The following SGIP1 variants were observed in gnomAD, a reference collection of about 807,000 sequenced individuals.
The protein encoded by SGIP1 is SH3-containing GRB2-like protein 3-interacting protein 1.
SGIP1 carries 38 observed loss-of-function variants against 107.5 expected under a neutral mutation model. The observed-to-expected ratio is 0.35, with a 90% confidence interval of 0.27 to 0.46. The LOEUF is 0.46. SGIP1 is among the 20% of genes least tolerant of loss of function. The pLI is 1.00. For synonymous variants in SGIP1, 365 were observed against 366.1 expected, an observed-to-expected ratio of 1.00 and a Z score of 0.03; for missense variants, 929 against 1,019.5, an observed-to-expected ratio of 0.91 and a Z score of 1.21.
At chr1:66,640,398 A>G (rs2076554130) in intron 5 of SGIP1, among the ~76,000 whole-genome samples, 1 of 152,172 alleles carries the variant, frequency 6.6e-6, no homozygotes, top group Non-Finnish European at 1.5e-5. Context: ...AGCTTTCAGA[A>G]TAGAGGCAAG....
intron 7 of SGIP1, among the ~76,000 whole-genome samples, chr1:66,646,452 T>C (rs2077685695): frequency 6.6e-6 from 1 of 152,188 alleles, no homozygotes; most frequent in African/African-American, 2.4e-5. Context: ...ATAACAATGG[T>C]TTACGTTGGA....
intron 21 of SGIP1, among the ~76,000 whole-genome samples, chr1:66,736,293 A>C (rs1416332306): frequency 2.0e-5 from 3 of 146,776 alleles, no homozygotes; most frequent in Admixed American, 6.9e-5. Flanking sequence ...TTAAAATATT[A>C]TATAAAATAT....
At chr1:66,628,784 G>A (rs1558125689) in intron 2 of SGIP1, among the ~76,000 whole-genome samples, 2 of 152,180 alleles carry the variant, frequency 1.3e-5, no homozygotes, top group Non-Finnish European at 2.9e-5. Context: ...TACGGGTAGA[G>A]GCCCAATATC....
chr1:66,739,706 A>G (rs1241234447), intron 22 of SGIP1, among the ~76,000 whole-genome samples, 169 bp downstream of exon 22: 1 of 152,234 alleles, frequency 6.6e-6, no homozygotes, highest in Non-Finnish European at 1.5e-5. Flanking sequence ...AACTAATTCA[A>G]CAGGGACTTC....
chr1:66,645,841 T>TTTG (rs367871171), intron 7 of SGIP1, among the ~76,000 whole-genome samples: 3 of 152,140 alleles, frequency 2.0e-5, no homozygotes, highest in East Asian at 1.9e-4. Context: ...TATAGATAGT[T>TTTG]TTGTTGTTGT....
intron 1 of SGIP1, among the ~76,000 whole-genome samples, chr1:66,556,254 C>A (rs989707934): frequency 1.1e-4 from 16 of 151,996 alleles, no homozygotes; most frequent in Admixed American, 7.2e-4. Context: ...GTGTTTTGGC[C>A]CTCAGTGATG....
chr1:66,709,655 G>A (rs2092777448), intron 18 of SGIP1, among the ~76,000 whole-genome samples: 1 of 152,084 alleles, frequency 6.6e-6, no homozygotes, highest in African/African-American at 2.4e-5. Flanking sequence ...CACTCAGCAG[G>A]TCAATTGGTG....
rs945587925 is a variant in SGIP1, at chr1:66,743,988, G to A, written c.*893G>A. The A allele has an allele frequency of 6.6e-6, 1 of 152,154 alleles. No homozygotes were observed. Among genetic ancestry groups the A allele is most frequent in the African/African-American group, 2.4e-5 (1 of 41,438 alleles). 9.4% of individuals were successfully genotyped at this position (152,154 alleles called of 1,614,324 possible). ...TGATTTTAAGATTTCAAGACTTTCCGTAGTTGAACTGGTTAAGAATTTTTG... is the reference window on the plus strand; with the variant it reads ...TGATTTTAAGATTTCAAGACTTTCCATAGTTGAACTGGTTAAGAATTTTTG... On this transcript the variant is annotated 3_prime_UTR_variant, in exon 25 of 25. Transcript: ENST00000371037.
Position 66,675,920 on chromosome 1 carries a change from C to T in SGIP1, c.647-1084C>T, listed in dbSNP as rs148220337. On this transcript the variant is annotated intron_variant, in intron 12 of 24. Coordinates refer to ENST00000371037, the MANE Select transcript of SGIP1 (RefSeq NM_032291.4). Reference sequence around the variant, plus strand: ...AAAAGTCTGCTACATCAGATCTTAGCTCTTCTGCTTTTACCGTGGACACCT... The same window carrying T: ...AAAAGTCTGCTACATCAGATCTTAGTTCTTCTGCTTTTACCGTGGACACCT... 2.1e-3 allele frequency among the ~76,000 whole-genome samples: 320 copies of T among 152,226 alleles called. 2 individuals are homozygous for T. Among genetic ancestry groups the T allele is most frequent in the African/African-American group, 7.3e-3 (303 of 41,528 alleles).
chr1:66,731,347 G>C (rs2094000652), intron 20 of SGIP1, among the ~76,000 whole-genome samples: 1 of 152,030 alleles, frequency 6.6e-6, no homozygotes, highest in Non-Finnish European at 1.5e-5. Flanking sequence ...AAATATGACT[G>C]GTGTCATAGT....
chr1:66,607,042 G>A (rs888468208), intron 1 of SGIP1, among the ~76,000 whole-genome samples: 1 of 152,128 alleles, frequency 6.6e-6, no homozygotes, highest in African/African-American at 2.4e-5. Flanking sequence ...GATGAAAAAG[G>A]GATTGGAGCC....
Position 66,750,298 on chromosome 1 carries a change from TA to T in SGIP1, c.*7206del, listed in dbSNP as rs1272970244. ...TTGTATAGTAAAAGATCATATGAAT[TA>T]AATACTCGGATATTAATTTTCATTC... is the stretch of plus-strand genomic sequence containing the variant. On this transcript the variant is annotated 3_prime_UTR_variant, in exon 25 of 25. Coordinates refer to ENST00000371037, the MANE Select transcript of SGIP1 (RefSeq NM_032291.4). Among the ~76,000 whole-genome samples the T allele has an allele frequency of 6.6e-6, 1 of 152,202 alleles. No homozygotes were observed. Among genetic ancestry groups the T allele is most frequent in the Middle Eastern group, 3.2e-3 (1 of 316 alleles).
chr1:66,651,363 T>C (rs1026048850), intron 7 of SGIP1, among the ~76,000 whole-genome samples: 1 of 152,182 alleles, frequency 6.6e-6, no homozygotes, highest in Non-Finnish European at 1.5e-5. Flanking sequence ...GGATTTATTA[T>C]CTCACTCGAA....
chr1:66,634,301 C>G (rs1225225987), intron 3 of SGIP1: 1 of 671,728 alleles, frequency 1.5e-6, no homozygotes, highest in Non-Finnish European at 2.6e-6. Flanking sequence ...GATTGCTATT[C>G]CTTGCTTCTC....
chr1:66,577,332 A>T (rs1424897461), intron 1 of SGIP1, among the ~76,000 whole-genome samples: 2 of 152,128 alleles, frequency 1.3e-5, no homozygotes, highest in Admixed American at 1.3e-4. Context: ...CCAGGTCTAC[A>T]TCATATAAAC....
chr1:66,638,268 A>C (rs1163548991), intron 4 of SGIP1, among the ~76,000 whole-genome samples: 1 of 152,180 alleles, frequency 6.6e-6, no homozygotes, highest in African/African-American at 2.4e-5. Context: ...TGAGAGAATA[A>C]TTTTTATTAA....
chr1:66,671,706 G>C (rs2083855650), intron 10 of SGIP1, among the ~76,000 whole-genome samples: 1 of 152,180 alleles, frequency 6.6e-6, no homozygotes, highest in African/African-American at 2.4e-5. Flanking sequence ...CTATTTGATG[G>C]CTTGTCACGG....
At chr1:66,568,309 A>G (rs1475092625) in intron 1 of SGIP1, among the ~76,000 whole-genome samples, 2 of 151,452 alleles carry the variant, frequency 1.3e-5, no homozygotes, top group Non-Finnish European at 2.9e-5. Context: ...CAGCTTTTCT[A>G]TTGTTGGTGT....
intron 1 of SGIP1, among the ~76,000 whole-genome samples, chr1:66,561,792 C>G (rs964995054): frequency 4.6e-5 from 7 of 152,024 alleles, no homozygotes; most frequent in African/African-American, 1.7e-4. Flanking sequence ...ATAGCAGAGG[C>G]CTTTTATTCA....
Sources: allele counts gnomAD v4.1 joint callset (sites outside exome capture counted in the v4.1 genomes callset), GRCh38; gene constraint gnomAD v4.1.1; transcripts MANE v1.5; gene names NCBI Gene and HGNC (gene_info 2026-07-23, HGNC 2026-07-21).